ZDHHC2: variants seen among roughly 807,000 people sequenced by gnomAD.
ZDHHC2 encodes the protein zDHHC palmitoyltransferase 2.
In ZDHHC2, 51 loss-of-function variants were observed where a neutral mutation model predicts 55.6. The observed-to-expected ratio is 0.92, with a 90% CI of 0.73 to 1.16. ZDHHC2 has a LOEUF of 1.16. Among genes scored for constraint, ZDHHC2 ranks in the 50% most tolerant of loss-of-function variants. The probability of loss-of-function intolerance (pLI) is 0.00; values close to 1 mark genes in which losing one functional copy is unlikely to be tolerated. For missense variants in ZDHHC2, 491 were observed against 442.4 expected (o/e 1.11, Z -0.99); for synonymous variants, 199 against 152.9 (o/e 1.30, Z -2.22).
At chr8:17,171,009 A>G (rs911053010) in intron 1 of ZDHHC2, among the ~76,000 whole-genome samples, 2 of 152,192 alleles carry the variant, frequency 1.3e-5, no homozygotes, top group Non-Finnish European at 1.5e-5. Flanking sequence ...CCTGGGTGGT[A>G]AATAGCCATT....
chr8:17,204,232 A>T (rs762295441), intron 6 of ZDHHC2, among the ~76,000 whole-genome samples: 1 of 152,192 alleles, frequency 6.6e-6, no homozygotes, highest in Admixed American at 6.5e-5. Flanking sequence ...TTTTTTTCAC[A>T]TGAACATGGT....
chr8:17,208,152 C>G, intron 8 of ZDHHC2, 60 bp downstream of exon 8: 2 of 1,446,774 alleles, frequency 1.4e-6, no homozygotes, highest in Non-Finnish European at 1.8e-6. Context: ...CATTCATTGA[C>G]AGTTGCTATG....
In ZDHHC2 at chr8:17,173,681, TA is replaced by T. The variant is rs58195776; in HGVS notation, c.131-11097del. ...TGAGAGACGGAAAAAGACCCTGTCT[TA>T]AAAAAAAAAAGAAAGAAAGAAAGAA... On this transcript the variant is annotated intron_variant, in intron 1 of 12. Coordinates refer to ENST00000262096, the MANE Select transcript of ZDHHC2 (RefSeq NM_016353.5). Among the ~76,000 whole-genome samples, 25 of 143,340 alleles carry T rather than the reference TA, an allele frequency of 1.7e-4. 1 individual carries two copies. The highest frequency in any genetic ancestry group is 2.8e-4 in the Admixed American group (4 of 14,378). 94.0% of individuals were successfully genotyped at this position (143,340 alleles called of 152,430 possible).
At chr8:17,186,480 G>T in intron 3 of ZDHHC2, 55 bp downstream of exon 3, 1 of 1,076,238 alleles carries the variant, frequency 9.3e-7, no homozygotes. Context: ...TAATACTGAT[G>T]TATTATTGAA....
At chr8:17,183,183 G>C (rs1365985067) in intron 1 of ZDHHC2, among the ~76,000 whole-genome samples, 1 of 152,138 alleles carries the variant, frequency 6.6e-6, no homozygotes, top group Non-Finnish European at 1.5e-5. Flanking sequence ...GGTCAGTAAG[G>C]GTCATTCATA....
chr8:17,205,828 A>G (rs1807074397), intron 7 of ZDHHC2, 53 bp downstream of exon 7: 1 of 1,488,602 alleles, frequency 6.7e-7, no homozygotes, highest in Non-Finnish European at 9.0e-7. Flanking sequence ...TAGATAATAT[A>G]GGCTTTTCAG....
At chr8:17,167,652 T>C (rs187400137) in intron 1 of ZDHHC2, among the ~76,000 whole-genome samples, 1 of 152,308 alleles carries the variant, frequency 6.6e-6, no homozygotes, top group Non-Finnish European at 1.5e-5. Flanking sequence ...CTTTTTTTCT[T>C]TCTGGACATT....
chr8:17,201,796 A>G (rs1263409512), intron 6 of ZDHHC2, among the ~76,000 whole-genome samples: 1 of 151,540 alleles, frequency 6.6e-6, no homozygotes, highest in Non-Finnish European at 1.5e-5. Flanking sequence ...GCGCCCGGCC[A>G]GGGCAGCTTT....
intron 1 of ZDHHC2, among the ~76,000 whole-genome samples, chr8:17,180,343 A>G (rs1805366048): frequency 6.6e-6 from 1 of 152,186 alleles, no homozygotes; most frequent in South Asian, 2.1e-4. Flanking sequence ...AGTTTCTGAA[A>G]TGACACATCC....
At chr8:17,199,562 T>TTCGTCTTCTGTCTTCTG (rs1418061759) in intron 6 of ZDHHC2, among the ~76,000 whole-genome samples, 17 of 80,782 alleles carry the variant, frequency 2.1e-4, no homozygotes, top group African/African-American at 4.7e-4. Flanking sequence ...CGTCTTCGTC[T>TTCGTCTTCTGTCTTCTG]TCTTCGTCTT....
At chr8:17,164,699 T>C (rs1312326969) in intron 1 of ZDHHC2, among the ~76,000 whole-genome samples, 2 of 152,218 alleles carry the variant, frequency 1.3e-5, no homozygotes, top group Non-Finnish European at 2.9e-5. Flanking sequence ...TTATAAAAGA[T>C]ATAATCCTTA....
intron 3 of ZDHHC2, among the ~76,000 whole-genome samples, 187 bp downstream of exon 3, chr8:17,186,612 G>C (rs886074696): frequency 2.6e-5 from 4 of 152,138 alleles, no homozygotes; most frequent in African/African-American, 9.7e-5. Flanking sequence ...GTTTTCACCA[G>C]ATAAGCACTG....
intron 1 of ZDHHC2, among the ~76,000 whole-genome samples, chr8:17,174,458 G>C (rs965771846): frequency 7.9e-5 from 12 of 152,062 alleles, no homozygotes; most frequent in Non-Finnish European, 1.6e-4. Context: ...GGGCAGCCTC[G>C]AGTCTACTGT....
At chr8:17,197,119 C>T (rs190644719) in intron 4 of ZDHHC2, among the ~76,000 whole-genome samples, 93 of 152,172 alleles carry the variant, frequency 6.1e-4, no homozygotes, top group African/African-American at 2.2e-3. Context: ...GAAATTTAAG[C>T]CCCCTAGAAA....
intron 10 of ZDHHC2, among the ~76,000 whole-genome samples, chr8:17,211,730 C>G (rs1042680497): frequency 3.9e-5 from 6 of 152,092 alleles, no homozygotes; most frequent in African/African-American, 1.2e-4. Flanking sequence ...AGGCCAGACC[C>G]TACCAGTTAG....
At chr8:17,199,568 G>GTCTTTGTCTTCTTCTTCTTCT (rs1563161408) in intron 6 of ZDHHC2, among the ~76,000 whole-genome samples, 3 of 49,792 alleles carry the variant, frequency 6.0e-5, no homozygotes, top group Non-Finnish European at 9.5e-5. Context: ...CGTCTTCTTC[G>GTCTTTGTCTTCTTCTTCTTCT]TCTTTGTCTT....
chr8:17,204,704 T>C (rs13256445), intron 6 of ZDHHC2, among the ~76,000 whole-genome samples: 15,167 of 152,200 alleles, frequency 0.1, 1,066 homozygotes, highest in Non-Finnish European at 0.15. Flanking sequence ...AAACAACTAA[T>C]GGATACTAGG....
chr8:17,178,161 T>G (rs1350084154), intron 1 of ZDHHC2, among the ~76,000 whole-genome samples: 1 of 152,134 alleles, frequency 6.6e-6, no homozygotes, highest in Non-Finnish European at 1.5e-5. Context: ...TCAACTAGAT[T>G]TAAGTTACCA....
At chr8:17,164,163 A>G (rs923917036) in intron 1 of ZDHHC2, among the ~76,000 whole-genome samples, 6 of 152,318 alleles carry the variant, frequency 3.9e-5, no homozygotes, top group African/African-American at 1.4e-4. Context: ...ACTTTATATC[A>G]TTTATGTAGC....
Sources: allele counts gnomAD v4.1 joint callset (sites outside exome capture counted in the v4.1 genomes callset), GRCh38; gene constraint gnomAD v4.1.1; transcripts MANE v1.5; gene names NCBI Gene and HGNC (gene_info 2026-07-23, HGNC 2026-07-21).